BLTP3A: variants seen among roughly 807,000 people sequenced by gnomAD.
BLTP3A encodes the protein ICBP90 binding protein 1.
the BLTP3A span, among the ~76,000 whole-genome samples, chr6:34,795,145 G>A: frequency 3.3e-5 from 5 of 151,630 alleles, no homozygotes; most frequent in East Asian, 7.8e-4. Flanking sequence ...GTGCAGTGGC[G>A]CGATCATGGC....
At chr6:34,837,300 G>T in the BLTP3A span, among the ~76,000 whole-genome samples, 5 of 152,150 alleles carry the variant, frequency 3.3e-5, no homozygotes, top group Non-Finnish European at 5.9e-5. Context: ...TCAATACTTT[G>T]GGAGGCTGAG....
the BLTP3A span, among the ~76,000 whole-genome samples, chr6:34,808,584 C>T: frequency 0.45 from 68,098 of 151,106 alleles, 17,443 homozygotes; most frequent in African/African-American, 0.72. Flanking sequence ...ATTATGAACA[C>T]CTTTTTTTTT....
At chr6:34,806,510 A>T in the BLTP3A span, among the ~76,000 whole-genome samples, 1 of 152,196 alleles carries the variant, frequency 6.6e-6, no homozygotes, top group South Asian at 2.1e-4. Flanking sequence ...CTAAGCGTAC[A>T]TGTTGGTCAA....
chr6:34,802,160 A>G, the BLTP3A span, among the ~76,000 whole-genome samples: 3 of 152,204 alleles, frequency 2.0e-5, no homozygotes, highest in Non-Finnish European at 2.9e-5. Flanking sequence ...GGAATCACCA[A>G]TATGATAAAG....
the BLTP3A span, among the ~76,000 whole-genome samples, chr6:34,798,326 G>A: frequency 9.2e-5 from 14 of 152,222 alleles, no homozygotes; most frequent in Non-Finnish European, 1.3e-4. Context: ...GTTTAGGGCC[G>A]TTATGAACAG....
the BLTP3A span, chr6:34,872,507 G>A: frequency 1.3e-6 from 2 of 1,539,570 alleles, no homozygotes; most frequent in Non-Finnish European, 1.7e-6. Flanking sequence ...CTAGGACAGA[G>A]GGCACTGTCC....
At chr6:34,840,427 G>A in the BLTP3A span, among the ~76,000 whole-genome samples, 20 of 148,816 alleles carry the variant, frequency 1.3e-4, no homozygotes, top group African/African-American at 4.7e-4. Flanking sequence ...TTAGCTGGGC[G>A]TGGTGGCAGG....
chr6:34,831,925 C>T, the BLTP3A span, among the ~76,000 whole-genome samples: 1 of 152,064 alleles, frequency 6.6e-6, no homozygotes, highest in African/African-American at 2.4e-5. Flanking sequence ...AGCAATTCTC[C>T]TGCCTCAGAC....
the BLTP3A span, chr6:34,864,248 T>C: frequency 6.4e-7 from 1 of 1,561,396 alleles, no homozygotes; most frequent in Non-Finnish European, 8.8e-7. Flanking sequence ...GAAAGGGTTC[T>C]CTCTGCTGCC....
chr6:34,856,400 A>G, the BLTP3A span: 1 of 1,613,934 alleles, frequency 6.2e-7, no homozygotes, highest in Non-Finnish European at 8.5e-7. Flanking sequence ...TCTCTTTCGG[A>G]GAAAAGCAGG....
chr6:34,811,341 C>CA, the BLTP3A span, among the ~76,000 whole-genome samples: 1 of 152,048 alleles, frequency 6.6e-6, no homozygotes, highest in Non-Finnish European at 1.5e-5. Context: ...CAAATGAACA[C>CA]AAAGGATTTT....
the BLTP3A span, among the ~76,000 whole-genome samples, chr6:34,859,889 C>T: frequency 1.3e-4 from 20 of 151,926 alleles, no homozygotes; most frequent in African/African-American, 3.9e-4. Flanking sequence ...ATTATAGACA[C>T]CTGCCACTGT....
the BLTP3A span, among the ~76,000 whole-genome samples, chr6:34,796,846 A>G: frequency 1.2e-4 from 19 of 152,150 alleles, no homozygotes; most frequent in Middle Eastern, 3.2e-3. Context: ...CTGGGACTGC[A>G]GGTGCACGCC....
chr6:34,859,434 G>C, the BLTP3A span: 65 of 1,614,052 alleles, frequency 4.0e-5, 1 homozygote, highest in Non-Finnish European at 5.3e-5. Context: ...ACATGACCAA[G>C]GATGCCACCA....
At chr6:34,806,479 GCA>G in the BLTP3A span, among the ~76,000 whole-genome samples, 1 of 152,164 alleles carries the variant, frequency 6.6e-6, no homozygotes, top group South Asian at 2.1e-4. Flanking sequence ...AGCTCATTTT[GCA>G]CAGTCTTTGC....
At chr6:34,837,349 C>G in the BLTP3A span, among the ~76,000 whole-genome samples, 1 of 152,014 alleles carries the variant, frequency 6.6e-6, no homozygotes, top group Admixed American at 6.6e-5. Flanking sequence ...TGAGACCAGC[C>G]TGGGCAACAT....
the BLTP3A span, among the ~76,000 whole-genome samples, chr6:34,800,189 C>T: frequency 3.3e-5 from 5 of 152,030 alleles, no homozygotes; most frequent in East Asian, 9.6e-4. Context: ...ACTTATACAG[C>T]GTCTAAGAAG....
At chr6:34,867,874 A>G in the BLTP3A span, among the ~76,000 whole-genome samples, 1 of 152,326 alleles carries the variant, frequency 6.6e-6, no homozygotes, top group Middle Eastern at 3.4e-3. Context: ...AGATGAGGAC[A>G]GTGTCCACTT....
chr6:34,863,686 C>A, the BLTP3A span, among the ~76,000 whole-genome samples: 2 of 152,192 alleles, frequency 1.3e-5, no homozygotes, highest in African/African-American at 4.8e-5. Flanking sequence ...AGGTGCCATT[C>A]ATCAGCACCA....
Sources: allele counts gnomAD v4.1 joint callset (sites outside exome capture counted in the v4.1 genomes callset), GRCh38; gene constraint gnomAD v4.1.1; transcripts MANE v1.5; gene names NCBI Gene and HGNC (gene_info 2026-07-23, HGNC 2026-07-21).